CRACDL: variants seen among roughly 807,000 people sequenced by gnomAD.
The protein encoded by CRACDL is CRACD like, also known as CRACD-like protein.
CRACDL carries 26 observed loss-of-function variants against 70.6 expected under a neutral mutation model. The ratio of observed to expected loss-of-function variants is 0.37; its 90% CI spans 0.27 to 0.51. The LOEUF is 0.51. Ranked by LOEUF, CRACDL falls within the 20% of genes least tolerant of loss-of-function variation. The pLI is 0.94. For missense variants in CRACDL, 1,283 were observed against 1,376.9 expected, an observed-to-expected ratio of 0.93 and a Z score of 1.08; for synonymous variants, 618 against 615.2, an observed-to-expected ratio of 1.00 and a Z score of -0.07.
intron 1 of CRACDL, among the ~76,000 whole-genome samples, chr2:98,894,026 G>T (rs1708051192): frequency 6.6e-6 from 1 of 152,166 alleles, no homozygotes. Context: ...GAAGCAATGG[G>T]CTTGCTCCTC....
intron 1 of CRACDL, among the ~76,000 whole-genome samples, chr2:98,860,034 G>C (rs1234731818): frequency 1.3e-5 from 2 of 151,702 alleles, no homozygotes; most frequent in Non-Finnish European, 2.9e-5. Flanking sequence ...ACAAAATTAA[G>C]AAAACAAACA....
intron 2 of CRACDL, among the ~76,000 whole-genome samples, 156 bp from the exon 3 acceptor site, chr2:98,838,443 G>C (rs1705888767): frequency 6.6e-6 from 1 of 152,032 alleles, no homozygotes; most frequent in African/African-American, 2.4e-5. Flanking sequence ...AAAAGTACAT[G>C]GTATACCAGT....
intron 9 of CRACDL, among the ~76,000 whole-genome samples, chr2:98,795,420 T>C (rs953565043): frequency 6.6e-6 from 1 of 152,050 alleles, no homozygotes; most frequent in Non-Finnish European, 1.5e-5. Flanking sequence ...AAGGCATATC[T>C]TGAAGATGCT....
At chr2:98,799,339 G>A (rs958549619) in intron 7 of CRACDL, among the ~76,000 whole-genome samples, 1 of 152,112 alleles carries the variant, frequency 6.6e-6, no homozygotes, top group Non-Finnish European at 1.5e-5. Context: ...CAACAAGGAG[G>A]TACAAGCGGG....
chr2:98,882,376 C>A (rs979741531), intron 1 of CRACDL, among the ~76,000 whole-genome samples: 1 of 152,232 alleles, frequency 6.6e-6, no homozygotes, highest in African/African-American at 2.4e-5. Flanking sequence ...TAGTTCTATC[C>A]CCTGGCAAGA....
chr2:98,824,589 AG>A lies in CRACDL; in HGVS notation c.736-1053del, dbSNP rs142104707. Among the ~76,000 whole-genome samples the A allele has an allele frequency of 7.4e-3, 1,134 of 152,338 alleles. 11 individuals carry two copies. Among genetic ancestry groups the A allele is most frequent in the African/African-American group, 0.023 (972 of 41,564 alleles). Reference sequence around the variant, plus strand: ...GAAATGACGAAAAGGTTGATGGTGTAGAGACTGATCTTTTAGAAAGTTTGTG... The same window carrying A: ...GAAATGACGAAAAGGTTGATGGTGTAAGACTGATCTTTTAGAAAGTTTGTG... On this transcript the variant is annotated intron_variant, in intron 6 of 9. Coordinates refer to ENST00000397899, the MANE Select transcript of CRACDL (RefSeq NM_207362.3).
chr2:98,886,423 A>G (rs974203833), intron 1 of CRACDL, among the ~76,000 whole-genome samples: 1 of 152,234 alleles, frequency 6.6e-6, no homozygotes, highest in African/African-American at 2.4e-5. Context: ...GAAGCTCAGC[A>G]TATCCCTGGG....
intron 1 of CRACDL, among the ~76,000 whole-genome samples, chr2:98,897,004 C>A (rs1008956826): frequency 1.8e-4 from 28 of 152,124 alleles, no homozygotes; most frequent in Admixed American, 9.2e-4. Context: ...GACATACAAG[C>A]CCATGGGTTT....
chr2:98,928,212 A>G (rs1055658422), intron 1 of CRACDL, among the ~76,000 whole-genome samples: 4 of 152,182 alleles, frequency 2.6e-5, no homozygotes, highest in Non-Finnish European at 5.9e-5. Context: ...AAAATAAAAA[A>G]AAATAAGACA....
chr2:98,886,906 C>A (rs1272161893), intron 1 of CRACDL, among the ~76,000 whole-genome samples: 1 of 152,092 alleles, frequency 6.6e-6, no homozygotes. Context: ...CCAGTCAGAT[C>A]TGCTAGACAA....
chr2:98,923,674 T>C (rs1321098287), intron 1 of CRACDL, among the ~76,000 whole-genome samples: 2 of 152,244 alleles, frequency 1.3e-5, no homozygotes, highest in Non-Finnish European at 2.9e-5. Flanking sequence ...GTGTCAGATG[T>C]TGAGGTGATT....
chr2:98,847,670 C>T (rs1706317115), intron 1 of CRACDL, among the ~76,000 whole-genome samples: 1 of 152,132 alleles, frequency 6.6e-6, no homozygotes, highest in Non-Finnish European at 1.5e-5. Flanking sequence ...CTAGTGGTGT[C>T]CATGCCTTCC....
chr2:98,891,401 A>G (rs1219586309), intron 1 of CRACDL, among the ~76,000 whole-genome samples: 1 of 149,178 alleles, frequency 6.7e-6, no homozygotes, highest in South Asian at 2.1e-4. Flanking sequence ...AAAAAAAAAA[A>G]AAAATCCAAA....
chr2:98,899,123 A>G (rs1708201666), intron 1 of CRACDL, among the ~76,000 whole-genome samples: 1 of 152,054 alleles, frequency 6.6e-6, no homozygotes, highest in African/African-American at 2.4e-5. Flanking sequence ...CTCCCACCCC[A>G]CCAAGGCAGG....
At chr2:98,899,128 G>T (rs1287698980) in intron 1 of CRACDL, among the ~76,000 whole-genome samples, 2 of 152,072 alleles carry the variant, frequency 1.3e-5, no homozygotes, top group Non-Finnish European at 2.9e-5. Flanking sequence ...ACCCCACCAA[G>T]GCAGGGTGGT....
intron 7 of CRACDL, among the ~76,000 whole-genome samples, chr2:98,798,584 T>C (rs1020284241): frequency 8.6e-5 from 13 of 152,026 alleles, no homozygotes; most frequent in African/African-American, 2.9e-4. Flanking sequence ...CCCCTCCTCT[T>C]ACATTTCAGC....
chr2:98,802,831 A>AGGTTGCTT, intron 7 of CRACDL, among the ~76,000 whole-genome samples: 1 of 152,314 alleles, frequency 6.6e-6, no homozygotes, highest in Non-Finnish European at 1.5e-5. Context: ...GTAAATTCCC[A>AGGTTGCTT]GGTTGCTTGC....
intron 5 of CRACDL, among the ~76,000 whole-genome samples, chr2:98,827,407 T>G (rs986084492): frequency 1.3e-5 from 2 of 152,144 alleles, no homozygotes; most frequent in Non-Finnish European, 2.9e-5. Flanking sequence ...AGTTCAATCA[T>G]TCTCCTGCCA....
In CRACDL at chr2:98,934,132, A is replaced by G. The variant is rs576927029; in HGVS notation, c.-11+1806T>C. Among the ~76,000 whole-genome samples the G allele has an allele frequency of 2.2e-4, 33 of 152,246 alleles. No individual in the cohort carries two copies. In the South Asian group the frequency reaches 5.4e-3, roughly 25 times the overall value. On this transcript the variant is annotated intron_variant, in intron 1 of 9. Coordinates refer to ENST00000397899, the MANE Select transcript of CRACDL (RefSeq NM_207362.3). ...TTTTTGGGGGGACACAAACATTCAA[A>G]CCATAGCACTATCACTGCTCTCATT...
Sources: gnomAD v4.1 joint callset for allele counts (sites outside exome capture counted in the v4.1 genomes callset) on GRCh38, gnomAD v4.1.1 for gene constraint, MANE v1.5 for transcripts, NCBI Gene and HGNC (gene_info 2026-07-23, HGNC 2026-07-21) for gene names.